Variants in CRIM1 observed in about 807,000 individuals in gnomAD.
CRIM1 encodes the protein cysteine rich transmembrane BMP regulator 1, also known as cysteine-rich motor neuron 1 protein.
CRIM1 carries 32 observed loss-of-function variants against 116.4 expected under a neutral mutation model. The observed-to-expected ratio is 0.27, with a 90% CI of 0.21 to 0.37. The LOEUF (loss-of-function observed/expected upper bound fraction) is 0.37. Among genes scored for constraint, CRIM1 ranks in the 10% least tolerant of loss-of-function variants. CRIM1 has a pLI of 1.00. For missense variants in CRIM1, 1,331 were observed against 1,354.8 expected, an observed-to-expected ratio of 0.98 and a Z score of 0.28; for synonymous variants, 590 against 509.2, an observed-to-expected ratio of 1.16 and a Z score of -2.13.
At chr2:36,540,517 G>A (rs114464178) in intron 14 of CRIM1, among the ~76,000 whole-genome samples, 3 of 146,304 alleles carry the variant, frequency 2.1e-5, no homozygotes, top group Admixed American at 6.8e-5. Flanking sequence ...AGTCAAGGCC[G>A]GTGCCTCTAA....
intron 2 of CRIM1, among the ~76,000 whole-genome samples, chr2:36,407,525 G>A (rs876458): frequency 6.6e-6 from 1 of 151,852 alleles, no homozygotes; most frequent in Non-Finnish European, 1.5e-5. Flanking sequence ...AAAATAAAAG[G>A]GTTACCAAAA....
intron 14 of CRIM1, 128 bp from the exon 15 acceptor site, chr2:36,544,248 C>A: frequency 1.3e-6 from 1 of 762,456 alleles, no homozygotes; most frequent in Non-Finnish European, 1.8e-6. Context: ...ATGTAAATGG[C>A]AGAAACTGCA....
At chr2:36,360,921 A>G (rs2148275354) in intron 1 of CRIM1, among the ~76,000 whole-genome samples, 1 of 152,274 alleles carries the variant, frequency 6.6e-6, no homozygotes, top group South Asian at 2.1e-4. Context: ...GTCCTTAGGT[A>G]GACAGGGAGC....
At chr2:36,411,354 C>T (rs1398371536) in intron 2 of CRIM1, among the ~76,000 whole-genome samples, 2 of 152,104 alleles carry the variant, frequency 1.3e-5, no homozygotes, top group South Asian at 2.1e-4. Flanking sequence ...TATAATGTTG[C>T]CCTTGGGGGT....
chr2:36,377,645 G>T (rs1670427009), intron 1 of CRIM1, among the ~76,000 whole-genome samples: 1 of 152,166 alleles, frequency 6.6e-6, no homozygotes, highest in African/African-American at 2.4e-5. Flanking sequence ...CTTGTATACA[G>T]TAAGCACACA....
intron 1 of CRIM1, among the ~76,000 whole-genome samples, chr2:36,358,633 T>C (rs1018330435): frequency 6.6e-6 from 1 of 152,224 alleles, no homozygotes; most frequent in African/African-American, 2.4e-5. Context: ...CAACACCCTG[T>C]GTGCTTGGTA....
intron 7 of CRIM1, among the ~76,000 whole-genome samples, chr2:36,493,503 CAG>C (rs1680376455): frequency 6.6e-6 from 1 of 152,164 alleles, no homozygotes; most frequent in African/African-American, 2.4e-5. Context: ...CCTGACAAGA[CAG>C]TACTACACAC....
At chr2:36,529,603 T>C (rs923646068) in intron 13 of CRIM1, 1 of 166,914 alleles carries the variant, frequency 6.0e-6, no homozygotes, top group Admixed American at 5.8e-5. Context: ...ATAAAATGTT[T>C]CCTTCAACAA....
intron 7 of CRIM1, among the ~76,000 whole-genome samples, chr2:36,490,639 T>C (rs1260832778): frequency 6.6e-6 from 1 of 152,172 alleles, no homozygotes. Flanking sequence ...GATGAGCCTC[T>C]GACTGGAATT....
intron 13 of CRIM1, among the ~76,000 whole-genome samples, chr2:36,522,916 A>G (rs945331771): frequency 1.3e-5 from 2 of 151,484 alleles, no homozygotes; most frequent in African/African-American, 4.9e-5. Flanking sequence ...AGGGTTTTCA[A>G]TTTCAGAACT....
intron 2 of CRIM1, among the ~76,000 whole-genome samples, chr2:36,400,039 G>C (rs1173757067): frequency 6.6e-6 from 1 of 152,200 alleles, no homozygotes. Flanking sequence ...AGTTTAGGTA[G>C]AGAGGTAGCC....
chr2:36,472,724 A>G (rs1234068414), intron 5 of CRIM1, among the ~76,000 whole-genome samples: 2 of 152,110 alleles, frequency 1.3e-5, no homozygotes, highest in African/African-American at 2.4e-5. Context: ...TATTTTTTTT[A>G]GTTTCCATGG....
intron 1 of CRIM1, among the ~76,000 whole-genome samples, chr2:36,376,573 CG>C (rs1670337194): frequency 6.6e-6 from 1 of 152,082 alleles, no homozygotes; most frequent in South Asian, 2.1e-4. Context: ...TGAGGGAGGT[CG>C]TAGACTTGGA....
chr2:36,491,199 C>T (rs1680202440), intron 7 of CRIM1, among the ~76,000 whole-genome samples: 2 of 152,208 alleles, frequency 1.3e-5, no homozygotes, highest in African/African-American at 2.4e-5. Context: ...TTATAGGAGG[C>T]CTTCTATAAT....
Position 36,356,256 on chromosome 2 carries a change from C to A in CRIM1, c.-37C>A. 7.9e-7 allele frequency: 1 copy of A among 1,262,384 alleles called. No homozygotes were observed. Among genetic ancestry groups the A allele is most frequent in the Non-Finnish European group, 1.0e-6 (1 of 960,504 alleles). The allele number at this position is 1,262,384 out of a possible 1,614,324, so 78.2% of individuals were successfully genotyped here. On this transcript the variant is annotated 5_prime_UTR_variant, in exon 1 of 17. Coordinates refer to ENST00000280527, the MANE Select transcript of CRIM1 (RefSeq NM_016441.3). The surrounding 1 kb of genome is among the most constrained non-coding windows in gnomAD (Gnocchi z 4.3). ...GGGAGGGCGCCCGCCCCGCTCCCGG[C>A]CCGGCTGCGAGGAGGAGGCGGCGGC... is the stretch of plus-strand genomic sequence containing the variant.
At chr2:36,459,616 A>G (rs1677424497) in intron 4 of CRIM1, among the ~76,000 whole-genome samples, 2 of 152,140 alleles carry the variant, frequency 1.3e-5, no homozygotes, top group Admixed American at 6.5e-5. Flanking sequence ...GAGGAGGGAA[A>G]ATTAATCCTG....
intron 13 of CRIM1, among the ~76,000 whole-genome samples, chr2:36,534,758 AAG>A (rs1356091526): frequency 1.3e-5 from 2 of 151,944 alleles, no homozygotes; most frequent in Non-Finnish European, 2.9e-5. Context: ...AGAAAAAAAA[AAG>A]AATATAGACA....
intron 4 of CRIM1, among the ~76,000 whole-genome samples, chr2:36,450,225 T>G (rs1382849610): frequency 6.6e-6 from 1 of 152,140 alleles, no homozygotes; most frequent in Non-Finnish European, 1.5e-5. Context: ...GTGTGTATGG[T>G]TCCTGGTGCC....
At chr2:36,370,525 G>A (rs1669874788) in intron 1 of CRIM1, among the ~76,000 whole-genome samples, 1 of 152,102 alleles carries the variant, frequency 6.6e-6, no homozygotes, top group Non-Finnish European at 1.5e-5. Flanking sequence ...AAAACTTGAG[G>A]GAGATAAAGT....
Sources: allele counts gnomAD v4.1 joint callset (sites outside exome capture counted in the v4.1 genomes callset), GRCh38; gene constraint gnomAD v4.1.1; non-coding constraint Gnocchi (gnomAD v3.1); transcripts MANE v1.5; gene names NCBI Gene and HGNC (gene_info 2026-07-23, HGNC 2026-07-21).